Variants in TRPC4 observed in about 807,000 individuals in gnomAD.
TRPC4 encodes the protein short transient receptor potential channel 4.
Under a neutral mutation model 99.4 loss-of-function variants are expected in TRPC4, and 49 were observed. That is an observed-to-expected ratio of 0.49 (90% CI 0.39 to 0.63). TRPC4 has a LOEUF of 0.63. Ranked by LOEUF, TRPC4 falls within the 20% of genes least tolerant of loss-of-function variation. The pLI is 0.00. For synonymous variants in TRPC4, 454 were observed against 425.9 expected (o/e 1.07, Z -0.81); for missense variants, 898 against 1,152.9 (o/e 0.78, Z 3.20).
intron 3 of TRPC4, among the ~76,000 whole-genome samples, chr13:37,714,054 T>A (rs1954575984): frequency 2.6e-5 from 4 of 151,460 alleles, no homozygotes; most frequent in African/African-American, 9.7e-5. Context: ...CTTCCTTCCC[T>A]CCTTCCTTCC....
At chr13:37,756,565 C>T (rs1392136173) in intron 2 of TRPC4, among the ~76,000 whole-genome samples, 1 of 147,666 alleles carries the variant, frequency 6.8e-6, no homozygotes, top group African/African-American at 2.5e-5. Flanking sequence ...TAGAGTCTTG[C>T]CCTGTCACCC....
At chr13:37,713,313 G>A (rs1954545763) in intron 3 of TRPC4, among the ~76,000 whole-genome samples, 1 of 152,082 alleles carries the variant, frequency 6.6e-6, no homozygotes, top group African/African-American at 2.4e-5. Flanking sequence ...ACATGACCAC[G>A]TACCATTTTA....
chr13:37,770,752 A>G (rs907246502), intron 2 of TRPC4, among the ~76,000 whole-genome samples: 1 of 151,648 alleles, frequency 6.6e-6, no homozygotes, highest in Non-Finnish European at 1.5e-5. Context: ...TAAGCATTTT[A>G]TTGATAGAAT....
chr13:37,789,956 T>C (rs1957072306), intron 1 of TRPC4, among the ~76,000 whole-genome samples: 1 of 152,104 alleles, frequency 6.6e-6, no homozygotes, highest in African/African-American at 2.4e-5. Flanking sequence ...GAAGTAGAAT[T>C]AGTGTACCAG....
chr13:37,682,087 G>A (rs950753476), intron 4 of TRPC4, among the ~76,000 whole-genome samples: 5 of 152,288 alleles, frequency 3.3e-5, no homozygotes, highest in African/African-American at 1.2e-4. Context: ...TGTGACAAAT[G>A]TGTAACTCTG....
At chr13:37,671,366 T>C (rs1165866024) in intron 5 of TRPC4, among the ~76,000 whole-genome samples, 2 of 152,168 alleles carry the variant, frequency 1.3e-5, no homozygotes, top group East Asian at 1.9e-4. Context: ...CTTTTGATTA[T>C]TATCATCAAC....
intron 3 of TRPC4, among the ~76,000 whole-genome samples, chr13:37,716,577 T>C (rs1954674539): frequency 6.6e-6 from 1 of 152,156 alleles, no homozygotes; most frequent in Admixed American, 6.5e-5. Flanking sequence ...ACCTACATAG[T>C]ATCTTGAGGA....
chr13:37,637,786 A>G (rs1165732670), intron 10 of TRPC4, among the ~76,000 whole-genome samples, 161 bp from the exon 11 acceptor site: 1 of 152,118 alleles, frequency 6.6e-6, no homozygotes, highest in Non-Finnish European at 1.5e-5. Flanking sequence ...TCTCACGGAT[A>G]CTTGATGTCA....
chr13:37,692,748 T>C (rs1463180916), intron 3 of TRPC4, among the ~76,000 whole-genome samples: 1 of 152,192 alleles, frequency 6.6e-6, no homozygotes, highest in Non-Finnish European at 1.5e-5. Flanking sequence ...AACATTACAC[T>C]TAATTTTTAT....
At chr13:37,865,318 T>A (rs933518568) in intron 1 of TRPC4, among the ~76,000 whole-genome samples, 1 of 151,748 alleles carries the variant, frequency 6.6e-6, no homozygotes, top group Non-Finnish European at 1.5e-5. Context: ...ACCTTTTTTT[T>A]AATAAAGACA....
At chr13:37,751,287 C>T (rs1303772183) in intron 2 of TRPC4, among the ~76,000 whole-genome samples, 2 of 152,196 alleles carry the variant, frequency 1.3e-5, no homozygotes, top group East Asian at 1.9e-4. Flanking sequence ...TAACGGCTTC[C>T]GCTTCCCAAT....
intron 3 of TRPC4, among the ~76,000 whole-genome samples, chr13:37,724,773 C>T (rs1231320244): frequency 1.3e-5 from 2 of 152,114 alleles, no homozygotes; most frequent in Admixed American, 6.5e-5. Context: ...CTTTTTCAAA[C>T]AAGTTAATTT....
Position 37,766,914 on chromosome 13 carries a change from G to T in TRPC4, c.378+16042C>A, listed in dbSNP as rs374208464. ...GAGGAGAAAGTAATTTTACTCTAAT[G>T]ATATTAAAAATAAAGATACAGAAAA... is the stretch of plus-strand genomic sequence containing the variant. On this transcript the variant is annotated intron_variant, in intron 2 of 10. Transcript: ENST00000379705. Among the ~76,000 whole-genome samples the T allele has an allele frequency of 1.1e-4, 16 of 151,432 alleles. No individual in the cohort carries two copies. In the East Asian group the frequency reaches 2.5e-3, roughly 24 times the overall value.
Position 37,766,836 on chromosome 13 carries a change from C to A in TRPC4, c.378+16120G>T, listed in dbSNP as rs190678734. Among the ~76,000 whole-genome samples the A allele has an allele frequency of 1.9e-3, 286 of 151,148 alleles. 1 individual carries two copies. Among genetic ancestry groups the A allele is most frequent in the African/African-American group, 6.6e-3 (272 of 41,286 alleles). On this transcript the variant is annotated intron_variant, in intron 2 of 10. Coordinates refer to ENST00000379705, the MANE Select transcript of TRPC4 (RefSeq NM_016179.4). ...ACTGTCTACTCACAGGACTAAGTGA[C>A]CTTAATATGATGAAAGTGCTTAGGC...
In TRPC4 at chr13:37,637,582, C is replaced by T; in HGVS notation, c.2255G>A (p.Gly752Glu). 3.7e-6 allele frequency: 6 copies of T among 1,603,112 alleles called. No individual in the cohort carries two copies. Among genetic ancestry groups the T allele is most frequent in the Non-Finnish European group, 5.1e-6 (6 of 1,176,642 alleles). The change falls in exon 11 of 11, where the codon GGA becomes GAA. Residue 752 changes from glycine (G) to glutamate (E), a missense_variant. Physicochemically the swap from Gly to Glu is moderately conservative, Grantham distance 98 (BLOSUM62 -2). Coordinates refer to ENST00000379705, the MANE Select transcript of TRPC4 (RefSeq NM_016179.4). ...DISSFRFEVL[G>E]LLRGSKLSTI... ...GGAAAGTTTGCTTCCTCTTAGTAAT[C>T]CCAGGACTTCAAAGCGGAAACTAGA...
chr13:37,638,996 A>G (rs1284517223), intron 10 of TRPC4, 44 bp downstream of exon 10: 1 of 1,589,034 alleles, frequency 6.3e-7, no homozygotes, highest in Non-Finnish European at 8.6e-7. Flanking sequence ...CTGGATCCAT[A>G]TTCTGCACAA....
intron 3 of TRPC4, among the ~76,000 whole-genome samples, chr13:37,745,473 T>TACACACAC (rs370854698): frequency 3.7e-4 from 2 of 5,392 alleles, no homozygotes; most frequent in African/African-American, 4.9e-4. Context: ...TATATATATA[T>TACACACAC]ACACACACAC....
intron 6 of TRPC4, among the ~76,000 whole-genome samples, chr13:37,658,756 G>A (rs1470722048): frequency 6.6e-6 from 1 of 152,152 alleles, no homozygotes; most frequent in Non-Finnish European, 1.5e-5. Context: ...TTGGTAACAT[G>A]TAGTTCTTCT....
intron 3 of TRPC4, among the ~76,000 whole-genome samples, chr13:37,719,278 G>A (rs1335208075): frequency 1.3e-5 from 2 of 152,074 alleles, no homozygotes; most frequent in African/African-American, 4.8e-5. Context: ...AGTCTGGGAG[G>A]TTGAGGCTGC....
Sources: gnomAD v4.1 joint callset for allele counts (sites outside exome capture counted in the v4.1 genomes callset) on GRCh38, gnomAD v4.1.1 for gene constraint, MANE v1.5 for transcripts, NCBI Gene and HGNC (gene_info 2026-07-23, HGNC 2026-07-21) for gene names.